The following GAS6 variants were observed in gnomAD, a reference collection of about 807,000 sequenced individuals.
GAS6 encodes growth arrest-specific protein 6.
In GAS6, 41 loss-of-function variants were observed where a neutral mutation model predicts 75.8. The ratio of observed to expected loss-of-function variants is 0.54; its 90% CI spans 0.42 to 0.70. The LOEUF (loss-of-function observed/expected upper bound fraction) is 0.70. Among genes scored for constraint, GAS6 ranks in the 30% least tolerant of loss-of-function variants. GAS6 has a pLI of 0.00. For missense variants in GAS6, 854 were observed against 940.2 expected (o/e 0.91, Z 1.20); for synonymous variants, 432 against 412.6 (o/e 1.05, Z -0.57).
chr13:113,840,003 T>TAGGCCAGCACAGAGGG, intron 4 of GAS6, 153 bp from the exon 5 acceptor site: 1 of 1,107,502 alleles, frequency 9.0e-7, no homozygotes, highest in Non-Finnish European at 1.3e-6. Flanking sequence ...ACCCGAGCCC[T>TAGGCCAGCACAGAGGG]CTGTGCTGGC....
intron 12 of GAS6, among the ~76,000 whole-genome samples, chr13:113,824,492 T>C (rs2138614454): frequency 6.6e-6 from 1 of 152,308 alleles, no homozygotes; most frequent in South Asian, 2.1e-4. Flanking sequence ...CTCTCCACGC[T>C]GAGCCCTCCG....
intron 5 of GAS6, among the ~76,000 whole-genome samples, chr13:113,838,664 G>A (rs1352138719): frequency 1.7e-5 from 2 of 116,912 alleles, no homozygotes; most frequent in African/African-American, 3.5e-5. Flanking sequence ...AAGGGACCCC[G>A]GGGGTGCACA....
intron 2 of GAS6, among the ~76,000 whole-genome samples, chr13:113,851,255 A>C (rs2051871955): frequency 6.7e-6 from 1 of 149,844 alleles, no homozygotes; most frequent in Non-Finnish European, 1.5e-5. Context: ...CAATGAGTGA[A>C]TAGATGGATG....
chr13:113,847,728 G>A (rs1183947660), intron 3 of GAS6: 5 of 431,228 alleles, frequency 1.2e-5, no homozygotes, highest in Non-Finnish European at 2.1e-5. Flanking sequence ...CAGAAAACCG[G>A]AGGACAAAAT....
intron 6 of GAS6, chr13:113,835,981 C>T (rs1316842224): frequency 6.5e-6 from 7 of 1,070,330 alleles, no homozygotes; most frequent in Non-Finnish European, 6.8e-6. Flanking sequence ...AAAAAGTAAC[C>T]CCCCGGGGGC....
chr13:113,852,602 G>C (rs1325790379), intron 2 of GAS6, among the ~76,000 whole-genome samples: 2 of 152,200 alleles, frequency 1.3e-5, no homozygotes, highest in Non-Finnish European at 2.9e-5. Context: ...CTGCTCAGGA[G>C]GGCAGTGGGT....
intron 2 of GAS6, among the ~76,000 whole-genome samples, chr13:113,861,642 G>T (rs1157288926): frequency 2.6e-5 from 4 of 152,162 alleles, no homozygotes; most frequent in Non-Finnish European, 4.4e-5. Context: ...TAGGGTCCTG[G>T]GAGGGGTGGG....
intron 7 of GAS6, 182 bp from the exon 8 acceptor site, chr13:113,834,854 C>T: frequency 1.9e-6 from 1 of 517,916 alleles, no homozygotes; most frequent in South Asian, 6.7e-5. Context: ...CACCCTCGGC[C>T]TGCTCCTGCC....
At position 113,863,694 on chromosome 13, in the gene GAS6, G is replaced by A; in HGVS notation, c.136C>T (p.Gln46Ter). Residue 46 changes from glutamine to a stop codon, truncating the protein, a stop_gained, in exon 2 of 15, where the codon CAG (glutamine) becomes TAG (stop). Transcript: ENST00000327773. LOFTEE classifies it high-confidence loss of function. The surrounding 1 kb of genome is among the most constrained non-coding windows in gnomAD (Gnocchi z 9.4). ...TCGAAGACCTGAAAGGCGCGGCGCT[G>A]CCTGGGCCGCAGGAACTGCGTGGCC... ...REATQFLRPR[Q>*]RRAFQVFEEA... is the part of the protein sequence containing the mutation. 2.0e-6 allele frequency: 3 copies of A among 1,514,896 alleles called. No individual in the cohort carries two copies. The highest frequency in any genetic ancestry group is 1.2e-5 in the South Asian group (1 of 81,158). 93.8% of individuals were successfully genotyped at this position (1,514,896 alleles called of 1,614,324 possible).
At chr13:113,850,887 T>C (rs562103202) in intron 2 of GAS6, among the ~76,000 whole-genome samples, 8 of 152,234 alleles carry the variant, frequency 5.3e-5, no homozygotes, top group African/African-American at 1.9e-4. Context: ...AATGAATGAA[T>C]GGATGGATGA....
intron 10 of GAS6, among the ~76,000 whole-genome samples, chr13:113,830,810 C>T (rs979365820): frequency 2.0e-5 from 3 of 150,558 alleles, no homozygotes; most frequent in African/African-American, 4.9e-5. Flanking sequence ...CCTGCAACAC[C>T]GCTCCCCCAG....
chr13:113,828,480 CT>C, intron 11 of GAS6, 66 bp downstream of exon 11: 1 of 1,528,758 alleles, frequency 6.5e-7, no homozygotes. Flanking sequence ...GTGACTGAGG[CT>C]TCCTGACACC....
chr13:113,842,009 C>T (rs1566367398), intron 4 of GAS6: 4 of 123,298 alleles, frequency 3.2e-5, no homozygotes, highest in Non-Finnish European at 7.1e-5. Context: ...CTCCATATGC[C>T]TCAGTTTCCT....
intron 12 of GAS6, among the ~76,000 whole-genome samples, chr13:113,825,017 G>T (rs181898451): frequency 6.6e-6 from 1 of 152,068 alleles, no homozygotes; most frequent in South Asian, 2.1e-4. Flanking sequence ...TCGGGAGTTC[G>T]AGACCAACCT....
At position 113,837,134 on chromosome 13, in the gene GAS6, A is replaced by T. The variant is rs2051726136; in HGVS notation, c.589+935T>A. Among the ~76,000 whole-genome samples the T allele has an allele frequency of 6.6e-6, 1 of 151,662 alleles. No individual in the cohort carries two copies. The highest frequency in any genetic ancestry group is 1.5e-5 in the Non-Finnish European group (1 of 67,902). ...AGGTCAGGGATAGAGCAGTGATGGG[A>T]GGGGCTCTGTCCTCGGCGGGGAAAT... On this transcript the variant is annotated intron_variant, in intron 6 of 14. Coordinates refer to ENST00000327773, the MANE Select transcript of GAS6 (RefSeq NM_000820.4). The surrounding 1 kb of genome is among the most constrained non-coding windows in gnomAD (Gnocchi z 5.1).
In GAS6 at chr13:113,835,507, G is replaced by A; in HGVS notation, c.712+6C>T. On this transcript the variant is annotated splice_donor_region_variant and intron_variant, in intron 7 of 14. Transcript: ENST00000327773. ...GAAAGCGAGGGTGACCGCGTGGCGT[G>A]GGTACCTCGGCAAGCCTTCTCCTGG... The A allele has an allele frequency of 6.2e-7, 1 of 1,612,148 alleles. No individual in the cohort carries two copies. Among genetic ancestry groups the A allele is most frequent in the Non-Finnish European group, 8.5e-7 (1 of 1,179,560 alleles).
chr13:113,861,943 G>A (rs1237930995), intron 2 of GAS6, among the ~76,000 whole-genome samples: 2 of 152,138 alleles, frequency 1.3e-5, no homozygotes, highest in Non-Finnish European at 2.9e-5. Context: ...GATGCCTCCC[G>A]GGCACCAAAG....
At chr13:113,825,002 T>C (rs1177515240) in intron 12 of GAS6, among the ~76,000 whole-genome samples, 1 of 152,064 alleles carries the variant, frequency 6.6e-6, no homozygotes, top group African/African-American at 2.4e-5. Flanking sequence ...GTGGATCACC[T>C]AAGGTCGGGA....
intron 2 of GAS6, among the ~76,000 whole-genome samples, chr13:113,858,872 C>G (rs200998996): frequency 1.9e-5 from 2 of 103,022 alleles, no homozygotes; most frequent in Non-Finnish European, 3.7e-5. Context: ...CATGTGTGTA[C>G]ATGACTATGT....
Sources: gnomAD v4.1 joint callset for allele counts (sites outside exome capture counted in the v4.1 genomes callset) on GRCh38, gnomAD v4.1.1 for gene constraint, Gnocchi (gnomAD v3.1) non-coding constraint, MANE v1.5 for transcripts, NCBI Gene and HGNC (gene_info 2026-07-23, HGNC 2026-07-21) for gene names.